KIAA1549L: variants seen among roughly 807,000 people sequenced by gnomAD.
KIAA1549L encodes the protein KIAA1549 like.
A neutral mutation model predicts 160.7 loss-of-function variants in KIAA1549L; 88 were observed. The observed-to-expected ratio is 0.55, with a 90% CI of 0.46 to 0.65. The LOEUF (loss-of-function observed/expected upper bound fraction) is 0.65, where lower values mean the gene tolerates loss of function less well. KIAA1549L is among the 30% of genes least tolerant of loss of function. The pLI is 0.00. For missense variants in KIAA1549L, 2,258 were observed against 2,437.5 expected (o/e 0.93, Z 1.55); for synonymous variants, 950 against 976.7 (o/e 0.97, Z 0.51).
chr11:33,654,641 C>A (rs983706282), intron 17 of KIAA1549L, among the ~76,000 whole-genome samples: 2 of 152,218 alleles, frequency 1.3e-5, no homozygotes, highest in Non-Finnish European at 2.9e-5. Context: ...AAGGCTTGAT[C>A]TCTTCATCAA....
chr11:33,591,117 T>C (rs1850039386), intron 11 of KIAA1549L, 120 bp from the exon 12 acceptor site: 1 of 707,818 alleles, frequency 1.4e-6, no homozygotes. Flanking sequence ...AGTTAACTCT[T>C]GTTTATTAAT....
intron 16 of KIAA1549L, among the ~76,000 whole-genome samples, chr11:33,644,173 G>C (rs573281307): frequency 3.9e-5 from 6 of 152,168 alleles, no homozygotes; most frequent in Non-Finnish European, 8.8e-5. Context: ...TAGACTTAGA[G>C]GCTGATAGAA....
intron 11 of KIAA1549L, 113 bp downstream of exon 11, chr11:33,583,614 G>T (rs553930748): frequency 2.1e-6 from 2 of 965,156 alleles, no homozygotes; most frequent in Admixed American, 2.9e-5. Context: ...CATCAGGGCA[G>T]GTCCTCATTT....
chr11:33,397,710 TCACACACACACACACACA>T (rs71034679), intron 1 of KIAA1549L, among the ~76,000 whole-genome samples: 19 of 143,038 alleles, frequency 1.3e-4, no homozygotes, highest in African/African-American at 2.6e-4. Context: ...AGACTCCATC[TCACACACACACACACACA>T]CACACACACA....
At chr11:33,535,731 T>C (rs1853879915) in intron 1 of KIAA1549L, among the ~76,000 whole-genome samples, 1 of 152,078 alleles carries the variant, frequency 6.6e-6, no homozygotes. Context: ...AGAGAGTGGA[T>C]CACAAAAGGC....
intron 17 of KIAA1549L, among the ~76,000 whole-genome samples, chr11:33,649,583 C>T (rs1851825100): frequency 6.6e-6 from 1 of 151,384 alleles, no homozygotes; most frequent in South Asian, 2.1e-4. Context: ...CTTATCATTG[C>T]CCTAGTAAGG....
In KIAA1549L at chr11:33,645,982, G is replaced by A; in HGVS notation, c.5706G>A (p.Val1902=). 1 of 1,609,862 alleles carries A rather than the reference G, an allele frequency of 6.2e-7. No homozygotes were observed. Among genetic ancestry groups the A allele is most frequent in the Non-Finnish European group, 8.5e-7 (1 of 1,178,154 alleles). Residue 1902 remains valine (V), a synonymous_variant, in exon 17 of 21, where the codon GTG becomes GTA. Coordinates refer to ENST00000658780, the MANE Select transcript of KIAA1549L (RefSeq NM_012194.3). ...CCATGACGCGGCCCAGGGCCGGGGT[G>A]CAGTGGGTGCCGACCTACCGCCCAG... ...PGTMTRPRAG[V]QWVPTYRPEM... is the part of the protein sequence containing the mutation.
At chr11:33,420,796 A>G (rs1202088017) in intron 1 of KIAA1549L, among the ~76,000 whole-genome samples, 1 of 152,180 alleles carries the variant, frequency 6.6e-6, no homozygotes, top group Non-Finnish European at 1.5e-5. Flanking sequence ...ATGAGCAGAC[A>G]ATGGGTGTGG....
chr11:33,391,500 A>C lies in KIAA1549L; in HGVS notation c.238+14611A>C, dbSNP rs987848234. ...AGTTCATGTAATTATGCTAAAAGCC[A>C]AGACAGTCATGTGACTGCCACTTCC... is the stretch of plus-strand genomic sequence containing the variant. On this transcript the variant is annotated intron_variant, in intron 1 of 20. Transcript: ENST00000658780. 2.0e-4 allele frequency among the ~76,000 whole-genome samples: 30 copies of C among 152,240 alleles called. 1 individual carries two copies. Among genetic ancestry groups the C allele is most frequent in the Admixed American group, 7.2e-4 (11 of 15,290 alleles).
intron 13 of KIAA1549L, among the ~76,000 whole-genome samples, chr11:33,604,961 A>C (rs1490690173): frequency 6.6e-6 from 1 of 152,206 alleles, no homozygotes; most frequent in East Asian, 1.9e-4. Flanking sequence ...TTTAAAAAAG[A>C]GAAAAATGAA....
At chr11:33,656,940 T>C (rs1852085580) in intron 18 of KIAA1549L, among the ~76,000 whole-genome samples, 1 of 152,168 alleles carries the variant, frequency 6.6e-6, no homozygotes, top group African/African-American at 2.4e-5. Context: ...GCCCCAGCAG[T>C]TGGCCTTGCC....
intron 1 of KIAA1549L, among the ~76,000 whole-genome samples, chr11:33,508,688 A>T (rs1401635720): frequency 6.6e-6 from 1 of 152,150 alleles, no homozygotes; most frequent in African/African-American, 2.4e-5. Flanking sequence ...ATTAATCATG[A>T]CACATCACAC....
intron 1 of KIAA1549L, among the ~76,000 whole-genome samples, chr11:33,397,741 CACACACACACACACAA>C (rs1345557657): frequency 1.5e-5 from 2 of 132,682 alleles, no homozygotes; most frequent in African/African-American, 6.9e-5. Context: ...CACACACACA[CACACACACACACACAA>C]AAGTGAAAAC....
At chr11:33,667,831 C>G in intron 20 of KIAA1549L, 42 bp from the exon 21 acceptor site, 4 of 1,556,506 alleles carry the variant, frequency 2.6e-6, no homozygotes, top group Non-Finnish European at 3.5e-6. Context: ...GAGCTCCTTC[C>G]TCATGCCAGG....
At chr11:33,524,096 A>G (rs1287462722) in intron 1 of KIAA1549L, among the ~76,000 whole-genome samples, 1 of 152,176 alleles carries the variant, frequency 6.6e-6, no homozygotes, top group Non-Finnish European at 1.5e-5. Flanking sequence ...ATTCAGCTGA[A>G]TATATCTGAT....
At chr11:33,651,557 C>T (rs891915982) in intron 17 of KIAA1549L, among the ~76,000 whole-genome samples, 4 of 152,010 alleles carry the variant, frequency 2.6e-5, no homozygotes, top group South Asian at 2.1e-4. Flanking sequence ...AAAATGACTA[C>T]GATTACTGCT....
chr11:33,467,641 G>GT (rs779061578), intron 1 of KIAA1549L, among the ~76,000 whole-genome samples: 1 of 152,198 alleles, frequency 6.6e-6, no homozygotes, highest in Non-Finnish European at 1.5e-5. Flanking sequence ...TCCCATTTGT[G>GT]TTTTATCTTC....
chr11:33,641,581 T>A (rs1389550589), intron 16 of KIAA1549L, among the ~76,000 whole-genome samples: 2 of 1,782 alleles, frequency 1.1e-3, no homozygotes. Context: ...TGTATATATA[T>A]ATATATATAT....
At chr11:33,582,417 C>G (rs1451918416) in intron 10 of KIAA1549L, among the ~76,000 whole-genome samples, 2 of 152,160 alleles carry the variant, frequency 1.3e-5, no homozygotes, top group East Asian at 3.8e-4. Flanking sequence ...TAGTAGCCCC[C>G]AAGTTCAGCA....
Sources: gnomAD v4.1 joint callset for allele counts (sites outside exome capture counted in the v4.1 genomes callset) on GRCh38, gnomAD v4.1.1 for gene constraint, MANE v1.5 for transcripts, NCBI Gene and HGNC (gene_info 2026-07-23, HGNC 2026-07-21) for gene names.